The following C3 variants were observed in gnomAD, a reference collection of about 807,000 sequenced individuals.
C3 encodes the protein C3 and PZP-like alpha-2-macroglobulin domain-containing protein 1.
A neutral mutation model predicts 207.9 loss-of-function variants in C3; 97 were observed. The observed-to-expected ratio is 0.47, with a 90% CI of 0.40 to 0.55. The LOEUF (loss-of-function observed/expected upper bound fraction) is 0.55, where lower values mean the gene tolerates loss of function less well. C3 is among the 20% of genes least tolerant of loss of function. The pLI is 0.00. For missense variants in C3, 1,684 were observed against 2,171.7 expected, an observed-to-expected ratio of 0.78 and a Z score of 4.46; for synonymous variants, 848 against 857.6, an observed-to-expected ratio of 0.99 and a Z score of 0.20.
chr19:6,701,161 A>G (rs2145416592), intron 19 of C3, among the ~76,000 whole-genome samples: 1 of 152,246 alleles, frequency 6.6e-6, no homozygotes, highest in East Asian at 1.9e-4. Context: ...CTGGCCCTGA[A>G]GGGGACTTAT....
At chr19:6,679,292 C>T in intron 37 of C3, 84 bp from the exon 38 acceptor site, 1 of 1,465,520 alleles carries the variant, frequency 6.8e-7, no homozygotes, top group South Asian at 1.1e-5. Flanking sequence ...CCCTGGGAGC[C>T]TACCCCCCTT....
intron 33 of C3, chr19:6,682,698 A>T: frequency 4.9e-6 from 1 of 205,230 alleles, no homozygotes; most frequent in Non-Finnish European, 1.0e-5. Flanking sequence ...AAAGATAAGC[A>T]TCATAATTGA....
chr19:6,688,553 T>G (rs187791506), intron 27 of C3, among the ~76,000 whole-genome samples: 1 of 149,624 alleles, frequency 6.7e-6, no homozygotes, highest in Non-Finnish European at 1.5e-5. Flanking sequence ...GGAGTCTTGC[T>G]GTGTTGCCCA....
intron 17 of C3, chr19:6,702,957 C>A: frequency 6.5e-6 from 2 of 309,812 alleles, no homozygotes; most frequent in South Asian, 3.0e-5. Flanking sequence ...TCACTTGAAC[C>A]CAGGAGGTGG....
chr19:6,690,628 C>A lies in C3; in HGVS notation c.3489+1G>T. 1.9e-6 allele frequency: 3 copies of A among 1,613,266 alleles called. No homozygotes were observed. Among genetic ancestry groups the A allele is most frequent in the Non-Finnish European group, 2.5e-6 (3 of 1,179,142 alleles). On this transcript the variant is annotated splice_donor_variant, in intron 27 of 40. Transcript: ENST00000245907. LOFTEE classifies it high-confidence loss of function. ...AGGGTGGGAAGATGGAGGGCACTTA[C>A]GTTGACCTGCTCCTCGCAAATATCT...
chr19:6,689,263 A>G (rs991804764), intron 27 of C3, among the ~76,000 whole-genome samples: 7 of 149,164 alleles, frequency 4.7e-5, no homozygotes, highest in Admixed American at 4.1e-4. Flanking sequence ...CCCATGAGTC[A>G]GGATTTGAAG....
chr19:6,695,583 G>A (rs541553537), intron 23 of C3, among the ~76,000 whole-genome samples: 8 of 152,082 alleles, frequency 5.3e-5, no homozygotes, highest in South Asian at 2.1e-4. Context: ...ACGTTCAATC[G>A]ATTATCCTGC....
chr19:6,678,131 A>G, intron 40 of C3, 21 bp downstream of exon 40: 2 of 1,614,086 alleles, frequency 1.2e-6, no homozygotes. Context: ...GGTCGCGCGC[A>G]CGCGCAGGGA....
In C3 at chr19:6,693,491, C is replaced by G; in HGVS notation, c.3155-4G>C. On this transcript the variant is annotated splice_region_variant and splice_polypyrimidine_tract_variant and intron_variant, in intron 24 of 40. Transcript: ENST00000245907. ...AAGGCCAGCTGCTGGGTGTACCCTG[C>G]AGAGAAGAGAGAGGAACCCCCAAAA... The G allele has an allele frequency of 6.2e-7, 1 of 1,610,696 alleles. No homozygotes were observed. Among genetic ancestry groups the G allele is most frequent in the Non-Finnish European group, 8.5e-7 (1 of 1,179,036 alleles).
At position 6,712,469 on chromosome 19, in the gene C3, G is replaced by A. The variant is rs768712110; in HGVS notation, c.1119+39C>T. 6.2e-6 allele frequency: 10 copies of A among 1,614,004 alleles called. No homozygotes were observed. The Admixed American group carries it at 1.0e-4, about 16-fold the overall frequency. ...GCTCAGGGCTGTGGCCGGTGTCCCCGAAGGGAGGAGTGGGACCCCTTCCCG... is the reference window on the plus strand; with the variant it reads ...GCTCAGGGCTGTGGCCGGTGTCCCCAAAGGGAGGAGTGGGACCCCTTCCCG... On this transcript the variant is annotated intron_variant, in intron 10 of 40. Coordinates refer to ENST00000245907, the MANE Select transcript of C3 (RefSeq NM_000064.4).
intron 5 of C3, 39 bp downstream of exon 5, chr19:6,714,312 TA>T: frequency 3.8e-6 from 6 of 1,599,632 alleles, no homozygotes; most frequent in Non-Finnish European, 5.1e-6. Flanking sequence ...TCTCCGGGGA[TA>T]GGGGAGCCCT....
chr19:6,683,747 G>A (rs1252891030), intron 33 of C3, among the ~76,000 whole-genome samples: 4 of 152,034 alleles, frequency 2.6e-5, no homozygotes, highest in Non-Finnish European at 5.9e-5. Context: ...CGCCACACCC[G>A]GCCATTTCCC....
chr19:6,719,222 C>G lies in C3; in HGVS notation c.256G>C (p.Val86Leu), dbSNP rs763113592. The G allele has an allele frequency of 1.2e-6, 2 of 1,613,798 alleles. No individual in the cohort carries two copies. Among genetic ancestry groups the G allele is most frequent in the Non-Finnish European group, 1.7e-6 (2 of 1,179,922 alleles). The part of the protein sequence containing the change: ...LTPATNHMGN[V>L]TFTIPANREF... Reference sequence around the variant, plus strand: ...CAGTCTGCACTCACCGTGAAGGTGACGTTGCCCATGTGGTTGGTGGCAGGG... The same window carrying G: ...CAGTCTGCACTCACCGTGAAGGTGAGGTTGCCCATGTGGTTGGTGGCAGGG... Residue 86 changes from valine (V) to leucine (L), a missense_variant, in exon 2 of 41, where the codon GTC (valine) becomes CTC (leucine). Val to Leu is a conservative substitution (Grantham distance 32). Transcript: ENST00000245907. This position sits in a 1 kb window ranked among gnomAD's most constrained non-coding sequence, Gnocchi z 5.4.
In C3 at chr19:6,707,786, G is replaced by T; in HGVS notation, c.1975+14C>A. On this transcript the variant is annotated intron_variant, in intron 15 of 40. Coordinates refer to ENST00000245907, the MANE Select transcript of C3 (RefSeq NM_000064.4). ...GCTGTCTGTCCCTGCACCGGCCCCT[G>T]GTGGCGACCTCACCTGCCCTCTGGG... is the stretch of plus-strand genomic sequence containing the variant. 1 of 1,612,860 alleles carries T rather than the reference G, an allele frequency of 6.2e-7. No individual in the cohort carries two copies. The highest frequency in any genetic ancestry group is 8.5e-7 in the Non-Finnish European group (1 of 1,179,928).
chr19:6,686,016 G>C (rs977350816), intron 29 of C3, 108 bp downstream of exon 29: 5 of 1,109,096 alleles, frequency 4.5e-6, no homozygotes, highest in South Asian at 1.2e-5. Flanking sequence ...ACACTGGCTC[G>C]TGGGAATGAA....
At chr19:6,694,749 G>A (rs1161477865) in intron 23 of C3, 115 bp from the exon 24 acceptor site, 18 of 859,578 alleles carry the variant, frequency 2.1e-5, no homozygotes, top group East Asian at 2.1e-4. Flanking sequence ...AGGGACAGGC[G>A]AGGACTGGGG....
intron 19 of C3, among the ~76,000 whole-genome samples, chr19:6,699,654 AAAAAAG>A (rs1967604765): frequency 6.6e-6 from 1 of 152,146 alleles, no homozygotes; most frequent in South Asian, 2.1e-4. Flanking sequence ...TATCAAAAAA[AAAAAAG>A]AAAGAAAATC....
chr19:6,685,620 C>T (rs1220293953), intron 29 of C3, among the ~76,000 whole-genome samples: 7 of 152,118 alleles, frequency 4.6e-5, no homozygotes, highest in African/African-American at 1.7e-4. Context: ...GAAAGGAGGC[C>T]AACTGGAGCC....
rs769034459 is a variant in C3 at position 6,711,016 on chromosome 19, C to T, written c.1450G>A (p.Glu484Lys). ...TAGGTGTAGTAGCGGATCTTGGCCT[C>T]GTGGGCGCGGTCCATTCGCAGGAGG... ...NFLLRMDRAHEAKIRYYTYLI... is the reference protein window; with the variant it reads ...NFLLRMDRAHKAKIRYYTYLI... Residue 484 changes from glutamate to lysine, a missense_variant, in exon 12 of 41, where the codon GAG (glutamate) becomes AAG (lysine). Coordinates refer to ENST00000245907, the MANE Select transcript of C3 (RefSeq NM_000064.4). The T allele has an allele frequency of 1.8e-5, 29 of 1,614,106 alleles. No individual in the cohort carries two copies. Among genetic ancestry groups the T allele is most frequent in the South Asian group, 8.8e-5 (8 of 91,080 alleles).
Sources: allele counts gnomAD v4.1 joint callset (sites outside exome capture counted in the v4.1 genomes callset), GRCh38; gene constraint gnomAD v4.1.1; non-coding constraint Gnocchi (gnomAD v3.1); transcripts MANE v1.5; gene names NCBI Gene and HGNC (gene_info 2026-07-23, HGNC 2026-07-21).